Variants in MRPL1 observed in about 807,000 individuals in gnomAD.
The protein encoded by MRPL1 is mitochondrial ribosomal protein L1.
MRPL1 carries 28 observed loss-of-function variants against 38.0 expected under a neutral mutation model. That is an observed-to-expected ratio of 0.74 (90% CI 0.55 to 1.01). The LOEUF is 1.01. MRPL1 is among the 50% of genes least tolerant of loss of function. MRPL1 has a pLI of 0.00. For synonymous variants in MRPL1, 123 were observed against 126.7 expected (o/e 0.97, Z 0.20); for missense variants, 358 against 389.8 (o/e 0.92, Z 0.69).
At chr4:77,875,033 C>T (rs1290164162) in intron 2 of MRPL1, among the ~76,000 whole-genome samples, 2 of 152,006 alleles carry the variant, frequency 1.3e-5, no homozygotes, top group Non-Finnish European at 2.9e-5. Context: ...GGTGATCCAC[C>T]TGCCTTGGCC....
At chr4:77,884,442 C>A (rs1735626754) in intron 3 of MRPL1, among the ~76,000 whole-genome samples, 1 of 152,210 alleles carries the variant, frequency 6.6e-6, no homozygotes, top group African/African-American at 2.4e-5. Context: ...TCTGTAAAAT[C>A]TCCCTGAGAG....
intron 2 of MRPL1, among the ~76,000 whole-genome samples, chr4:77,882,343 C>T (rs372901157): frequency 1.1e-3 from 172 of 152,256 alleles, no homozygotes; most frequent in African/African-American, 4.0e-3. Context: ...AATTACATAT[C>T]ACACAATTCA....
chr4:77,937,378 C>T (rs1293100536), intron 7 of MRPL1, among the ~76,000 whole-genome samples: 6 of 152,162 alleles, frequency 3.9e-5, no homozygotes. Context: ...GCGATTTCAG[C>T]CTCCCAGGTT....
chr4:77,927,349 A>G (rs1307031187), intron 7 of MRPL1, among the ~76,000 whole-genome samples: 1 of 152,176 alleles, frequency 6.6e-6, no homozygotes. Context: ...TACATTATTT[A>G]TGTTTTTAAA....
intron 1 of MRPL1, among the ~76,000 whole-genome samples, chr4:77,865,450 C>T (rs181215669): frequency 8.8e-4 from 133 of 150,710 alleles, no homozygotes; most frequent in African/African-American, 3.1e-3. Context: ...GAGACAGGAT[C>T]TCACTGTGTT....
chr4:77,907,116 G>A, intron 6 of MRPL1: 1 of 985,258 alleles, frequency 1.0e-6, no homozygotes, highest in Middle Eastern at 5.2e-4. Context: ...CTTGAGCATG[G>A]TGGGAGTGAT....
At chr4:77,921,190 GA>G (rs1736567098) in intron 7 of MRPL1, among the ~76,000 whole-genome samples, 1 of 152,124 alleles carries the variant, frequency 6.6e-6, no homozygotes, top group South Asian at 2.1e-4. Context: ...TATTTTCTAT[GA>G]CAAAGTACAC....
chr4:77,924,718 G>T (rs945185345), intron 7 of MRPL1, among the ~76,000 whole-genome samples: 5 of 152,054 alleles, frequency 3.3e-5, no homozygotes, highest in African/African-American at 9.7e-5. Flanking sequence ...TTTACTCATA[G>T]TCTATTCATT....
intron 7 of MRPL1, among the ~76,000 whole-genome samples, chr4:77,932,672 T>TG (rs1281836218): frequency 1.3e-5 from 2 of 152,050 alleles, no homozygotes; most frequent in Non-Finnish European, 2.9e-5. Context: ...GACATCTAGT[T>TG]GCAGGAAAAC....
At chr4:77,948,520 C>T (rs766096184) in intron 7 of MRPL1, among the ~76,000 whole-genome samples, 15 of 152,116 alleles carry the variant, frequency 9.9e-5, no homozygotes, top group Admixed American at 7.2e-4. Context: ...AGAATTCCTG[C>T]AGTAATGTCC....
At chr4:77,891,997 G>A (rs556576188) in intron 5 of MRPL1, among the ~76,000 whole-genome samples, 1 of 152,114 alleles carries the variant, frequency 6.6e-6, no homozygotes, top group African/African-American at 2.4e-5. Flanking sequence ...AGGTTATGAG[G>A]TAAATTCAAT....
At chr4:77,945,567 C>A (rs554667952) in intron 7 of MRPL1, among the ~76,000 whole-genome samples, 3 of 151,808 alleles carry the variant, frequency 2.0e-5, no homozygotes, top group African/African-American at 7.2e-5. Context: ...CATTGTAATC[C>A]TTTATCGGGG....
intron 7 of MRPL1, among the ~76,000 whole-genome samples, chr4:77,922,003 C>T (rs1226160439): frequency 6.6e-6 from 1 of 152,090 alleles, no homozygotes; most frequent in East Asian, 1.9e-4. Flanking sequence ...GGGTTATATA[C>T]ATCAACAAAG....
rs1433637253 is a variant in MRPL1 at position 77,869,547 on chromosome 4, ATAG to A, written c.32-2192_32-2190del. 3.9e-5 allele frequency among the ~76,000 whole-genome samples: 6 copies of A among 151,994 alleles called. No homozygotes were observed. The South Asian group carries it at 8.3e-4, about 21-fold the overall frequency. On this transcript the variant is annotated intron_variant, in intron 1 of 8. Coordinates refer to ENST00000315567, the MANE Select transcript of MRPL1 (RefSeq NM_020236.4). The stretch of plus-strand genomic sequence containing the variant: ...TTGTAGTTTCTGGTTGTCATGACTG[ATAG>A]TAGTGGTTTTGCTTGCTTGCTTGCT...
At chr4:77,913,839 G>A (rs973369848) in intron 7 of MRPL1, among the ~76,000 whole-genome samples, 1 of 152,204 alleles carries the variant, frequency 6.6e-6, no homozygotes, top group Non-Finnish European at 1.5e-5. Flanking sequence ...TAATTTTGCT[G>A]AGTGAAAGAA....
At chr4:77,936,228 T>C (rs759324288) in intron 7 of MRPL1, among the ~76,000 whole-genome samples, 6 of 152,048 alleles carry the variant, frequency 3.9e-5, no homozygotes, top group Non-Finnish European at 8.8e-5. Context: ...CCTTTAACAC[T>C]GTATCTTGAA....
At chr4:77,931,179 T>G (rs892059460) in intron 7 of MRPL1, among the ~76,000 whole-genome samples, 1 of 152,188 alleles carries the variant, frequency 6.6e-6, no homozygotes, top group African/African-American at 2.4e-5. Context: ...AGGCAAGCCT[T>G]TGGAGTTTTT....
At chr4:77,951,244 C>A (rs1051671052) in intron 8 of MRPL1, among the ~76,000 whole-genome samples, 2 of 152,214 alleles carry the variant, frequency 1.3e-5, no homozygotes, top group African/African-American at 4.8e-5. Flanking sequence ...GGGAATTTTA[C>A]CAACTGTGTG....
At chr4:77,938,432 AACC>A (rs1737040056) in intron 7 of MRPL1, among the ~76,000 whole-genome samples, 1 of 152,166 alleles carries the variant, frequency 6.6e-6, no homozygotes, top group South Asian at 2.1e-4. Flanking sequence ...ATCCCTTTGC[AACC>A]TAGTTTCAGA....
Sources: gnomAD v4.1 joint callset for allele counts (sites outside exome capture counted in the v4.1 genomes callset) on GRCh38, gnomAD v4.1.1 for gene constraint, MANE v1.5 for transcripts, NCBI Gene and HGNC (gene_info 2026-07-23, HGNC 2026-07-21) for gene names.